CELA2B: variants seen among roughly 807,000 people sequenced by gnomAD.
CELA2B encodes chymotrypsin like elastase 2B, also known as chymotrypsin-like elastase family member 2B.
Under a neutral mutation model 36.5 loss-of-function variants are expected in CELA2B, and 27 were observed. The observed-to-expected ratio is 0.74, with a 90% CI of 0.55 to 1.02. The LOEUF (loss-of-function observed/expected upper bound fraction) is 1.02, where lower values mean the gene tolerates loss of function less well. Ranked by LOEUF, CELA2B falls within the 50% of genes least tolerant of loss-of-function variation. The pLI is 0.00. For synonymous variants in CELA2B, 143 were observed against 148.5 expected, an observed-to-expected ratio of 0.96 and a Z score of 0.27; for missense variants, 340 against 347.8, an observed-to-expected ratio of 0.98 and a Z score of 0.18.
intron 2 of CELA2B, among the ~76,000 whole-genome samples, chr1:15,480,362 A>G (rs973563626): frequency 6.6e-6 from 1 of 152,126 alleles, no homozygotes; most frequent in African/African-American, 2.4e-5. Flanking sequence ...GGCATGCACC[A>G]CCACACCCAG....
chr1:15,485,974 T>C lies in CELA2B; in HGVS notation c.567T>C (p.Ser189=), dbSNP rs994025897. 6.2e-7 allele frequency: 1 copy of C among 1,614,098 alleles called. No homozygotes were observed. Among genetic ancestry groups the C allele is most frequent in the Non-Finnish European group, 8.5e-7 (1 of 1,180,042 alleles). Residue 189 remains serine (S), a synonymous_variant, in exon 6 of 8, where the codon TCT becomes TCC. Coordinates refer to ENST00000375910, the MANE Select transcript of CELA2B (RefSeq NM_015849.3). The part of the protein sequence containing the change: ...LVVDYATCSS[S]GWWGSTVKTN... ...TGGACTATGCCACCTGCTCCAGCTCTGGCTGGTGGGGCAGCACCGTGAAGA... is the reference window on the plus strand; with the variant it reads ...TGGACTATGCCACCTGCTCCAGCTCCGGCTGGTGGGGCAGCACCGTGAAGA...
Position 15,487,350 on chromosome 1 carries a change from C to T in CELA2B, c.705C>T (p.Gly235=), listed in dbSNP as rs1708817842. 1.2e-6 allele frequency: 2 copies of T among 1,614,138 alleles called. No homozygotes were observed. The highest frequency in any genetic ancestry group is 1.7e-5 in the Admixed American group (1 of 60,012). ...GCCGGTGGGAGGTGCATGGCATCGGCAGCCTCACGTCGGTCCTTGGTTGCA... is the reference window on the plus strand; with the variant it reads ...GCCGGTGGGAGGTGCATGGCATCGGTAGCCTCACGTCGGTCCTTGGTTGCA... ...SDGRWEVHGI[G]SLTSVLGCNY... Residue 235 remains glycine, a synonymous_variant, in exon 7 of 8, where the codon GGC becomes GGT. Transcript: ENST00000375910.
rs772806551 is a variant in CELA2B, at chr1:15,482,379, C to T, written c.342C>T (p.Asp114=). The T allele has an allele frequency of 1.9e-6, 3 of 1,614,118 alleles. No individual in the cohort carries two copies. The highest frequency in any genetic ancestry group is 3.3e-5 in the Admixed American group (2 of 60,024). ...KIVVHKDWNS[D]QVSKGNDIAL... is the part of the protein sequence containing the mutation. ...TGGTGCACAAGGACTGGAACTCCGA[C>T]CAGGTCTCCAAAGGGTTCGTTTCTA... The change falls in exon 4 of 8, where the codon GAC becomes GAT. Residue 114 remains aspartate, a synonymous_variant. Transcript: ENST00000375910.
intron 3 of CELA2B, 112 bp from the exon 4 acceptor site, chr1:15,482,153 C>A (rs1464555606): frequency 5.1e-6 from 7 of 1,363,066 alleles, no homozygotes; most frequent in Admixed American, 2.1e-5. Context: ...GGAAAGATCC[C>A]CAAGTGCCAA....
Position 15,486,163 on chromosome 1 carries a change from C to G in CELA2B, c.639+117C>G, listed in dbSNP as rs1243602535. ...CCTCCGACCTCCTGGCAGAAGCACC[C>G]GGAAATGGTACCAGATATATCAGAA... On this transcript the variant is annotated intron_variant, in intron 6 of 7. Transcript: ENST00000375910. 6.1e-6 allele frequency: 8 copies of G among 1,312,498 alleles called. No individual in the cohort carries two copies. The East Asian group carries it at 1.9e-4, about 31-fold the overall frequency. The allele number at this position is 1,312,498 out of a possible 1,614,324, so 81.3% of individuals were successfully genotyped here.
intron 7 of CELA2B, among the ~76,000 whole-genome samples, chr1:15,490,002 T>C (rs1708857247): frequency 6.6e-6 from 1 of 152,140 alleles, no homozygotes; most frequent in Admixed American, 6.5e-5. Context: ...GCCTCCTAAC[T>C]AGCTGGGATT....
At chr1:15,488,051 T>C (rs1267076166) in intron 7 of CELA2B, among the ~76,000 whole-genome samples, 3 of 152,212 alleles carry the variant, frequency 2.0e-5, no homozygotes, top group African/African-American at 4.8e-5. Flanking sequence ...TTTTTAACAA[T>C]GAACACACAT....
intron 3 of CELA2B, 39 bp from the exon 4 acceptor site, chr1:15,482,226 T>C (rs1487725827): frequency 1.9e-6 from 3 of 1,610,712 alleles, no homozygotes; most frequent in Non-Finnish European, 2.5e-6. Context: ...AAGCCAGGCC[T>C]CTGGAGGTGA....
intron 2 of CELA2B, among the ~76,000 whole-genome samples, chr1:15,480,369 C>T (rs1570807747): frequency 6.6e-6 from 1 of 152,136 alleles, no homozygotes; most frequent in Non-Finnish European, 1.5e-5. Context: ...ACCACCACAC[C>T]CAGTGGCTAA....
chr1:15,480,506 G>A (rs140890496), intron 2 of CELA2B, among the ~76,000 whole-genome samples: 5 of 152,204 alleles, frequency 3.3e-5, no homozygotes, highest in African/African-American at 1.2e-4. Context: ...GCATGGCTGG[G>A]GAGGCCTCAG....
chr1:15,479,311 G>A (rs999685312), intron 2 of CELA2B, among the ~76,000 whole-genome samples: 1 of 152,184 alleles, frequency 6.6e-6, no homozygotes, highest in African/African-American at 2.4e-5. Context: ...TTGGGAGGCT[G>A]AGGCAGGTGG....
chr1:15,490,212 T>A (rs1316963090), intron 7 of CELA2B, among the ~76,000 whole-genome samples: 1 of 141,428 alleles, frequency 7.1e-6, no homozygotes, highest in Non-Finnish European at 1.5e-5. Flanking sequence ...CTTCTCAACT[T>A]TATGTGCATA....
intron 7 of CELA2B, among the ~76,000 whole-genome samples, chr1:15,490,261 T>C (rs1024808431): frequency 2.2e-4 from 31 of 140,704 alleles, no homozygotes; most frequent in African/African-American, 7.2e-4. Context: ...TCTATCTATA[T>C]ACACACACAC....
intron 5 of CELA2B, among the ~76,000 whole-genome samples, chr1:15,485,357 T>A (rs1286519540): frequency 6.6e-6 from 1 of 151,470 alleles, no homozygotes; most frequent in African/African-American, 2.4e-5. Flanking sequence ...GGGCTCTAAC[T>A]GCCAGGAGGC....
chr1:15,487,192 G>A, intron 6 of CELA2B, 93 bp from the exon 7 acceptor site: 1 of 1,225,580 alleles, frequency 8.2e-7, no homozygotes, highest in Non-Finnish European at 1.2e-6. Flanking sequence ...ACAGTGACCT[G>A]CAGCAGAACA....
At chr1:15,483,455 C>G in intron 5 of CELA2B, 55 bp downstream of exon 5, 1 of 1,611,876 alleles carries the variant, frequency 6.2e-7, no homozygotes, top group South Asian at 1.1e-5. Flanking sequence ...TGATGTCACC[C>G]CTGTCCGGCC....
chr1:15,482,364 G>C lies in CELA2B; in HGVS notation c.327G>C (p.Lys109Asn). 2 of 1,614,138 alleles carry C rather than the reference G, an allele frequency of 1.2e-6. No homozygotes were observed. Among genetic ancestry groups the C allele is most frequent in the Non-Finnish European group, 1.7e-6 (2 of 1,180,008 alleles). The change falls in exon 4 of 8, where the codon AAG (lysine) becomes AAC (asparagine). Residue 109 changes from lysine (K) to asparagine (N), a missense_variant. Coordinates refer to ENST00000375910, the MANE Select transcript of CELA2B (RefSeq NM_015849.3). ...AVSVSKIVVHKDWNSDQVSKG... is the reference protein window; with the variant it reads ...AVSVSKIVVHNDWNSDQVSKG... ...GTGTCTCTAAGATTGTGGTGCACAA[G>C]GACTGGAACTCCGACCAGGTCTCCA...
chr1:15,483,142 TG>T (rs1293150022), intron 4 of CELA2B, 121 bp from the exon 5 acceptor site: 2 of 1,476,906 alleles, frequency 1.4e-6, no homozygotes, highest in Non-Finnish European at 1.8e-6. Context: ...CTGTGGGCCC[TG>T]CCGGTCAGAG....
At chr1:15,487,253 C>T (rs1708815274) in intron 6 of CELA2B, 32 bp from the exon 7 acceptor site, 1 of 1,606,764 alleles carries the variant, frequency 6.2e-7, no homozygotes, top group Non-Finnish European at 8.5e-7. Flanking sequence ...CTTCCTCCCA[C>T]TTCAACTCCC....
Sources: gnomAD v4.1 joint callset for allele counts (sites outside exome capture counted in the v4.1 genomes callset) on GRCh38, gnomAD v4.1.1 for gene constraint, MANE v1.5 for transcripts, NCBI Gene and HGNC (gene_info 2026-07-23, HGNC 2026-07-21) for gene names.